PIK3R3: variants seen among roughly 807,000 people sequenced by gnomAD.
PIK3R3 encodes phosphatidylinositol 3-kinase regulatory subunit gamma.
PIK3R3 carries 64 observed loss-of-function variants against 62.9 expected under a neutral mutation model. That is an observed-to-expected ratio of 1.02 (90% CI 0.83 to 1.25). PIK3R3 has a LOEUF of 1.25. PIK3R3 is among the 50% of genes most tolerant of loss of function. PIK3R3 has a pLI of 0.00. For missense variants in PIK3R3, 614 were observed against 561.6 expected (o/e 1.09, Z -0.94); for synonymous variants, 165 against 189.0 (o/e 0.87, Z 1.04).
intron 1 of PIK3R3, among the ~76,000 whole-genome samples, chr1:46,095,033 C>A (rs1355730317): frequency 1.3e-5 from 2 of 152,102 alleles, no homozygotes; most frequent in Non-Finnish European, 2.9e-5. Flanking sequence ...AACTGTTTCA[C>A]AATCAAAATA....
chr1:46,145,700 A>T, the PIK3R3 span, among the ~76,000 whole-genome samples: 1 of 152,196 alleles, frequency 6.6e-6, no homozygotes, highest in Non-Finnish European at 1.5e-5. Context: ...CACGTTGGGG[A>T]TCAATTTTCA....
the PIK3R3 span, among the ~76,000 whole-genome samples, chr1:46,145,308 T>G: frequency 1.3e-5 from 2 of 151,840 alleles, no homozygotes; most frequent in African/African-American, 4.8e-5. Flanking sequence ...GCTGCTTCCA[T>G]CCATCCCTGT....
At chr1:46,132,724 C>G (rs755650837), upstream of PIK3R3, 3 of 1,288,352 alleles carry the variant, frequency 2.3e-6, no homozygotes, top group South Asian at 3.7e-5. Context: ...CCAACCGCGC[C>G]GGGAGGGGGG....
In PIK3R3 at chr1:46,077,560, C is replaced by T. The variant is rs746011332; in HGVS notation, c.269G>A (p.Arg90Gln). 1.1e-5 allele frequency: 17 copies of T among 1,612,826 alleles called. No homozygotes were observed. In the South Asian group the frequency reaches 1.4e-4, roughly 14 times the overall value. The change falls in exon 3 of 10, where the codon CGA becomes CAA. Residue 90 changes from arginine (R) to glutamine (Q), a missense_variant. Coordinates refer to ENST00000262741, the MANE Select transcript of PIK3R3 (RefSeq NM_003629.4). ...RDMPDGTFLVRDASTKMQGDY... is the reference protein window; with the variant it reads ...RDMPDGTFLVQDASTKMQGDY... ...TCCCTGCATTTTTGTTGAGGCATCT[C>T]GGACCAAGAAGGTCCCATCTGGCAT...
intron 6 of PIK3R3, among the ~76,000 whole-genome samples, chr1:46,059,197 C>A (rs1216029787): frequency 6.6e-6 from 1 of 152,254 alleles, no homozygotes; most frequent in Non-Finnish European, 1.5e-5. Flanking sequence ...GATTGTGAGG[C>A]TTCCCTAGTC....
intron 1 of PIK3R3, among the ~76,000 whole-genome samples, chr1:46,102,798 T>C (rs1364885385): frequency 1.1e-5 from 1 of 88,532 alleles, no homozygotes; most frequent in Non-Finnish European, 2.0e-5. Flanking sequence ...TCTGGGTATA[T>C]ATCTTAAAAA....
the PIK3R3 span, among the ~76,000 whole-genome samples, chr1:46,162,047 G>C: frequency 2.0e-5 from 3 of 149,588 alleles, no homozygotes; most frequent in East Asian, 2.0e-4. Context: ...AGCCGAGATC[G>C]CGCCACCGCA....
chr1:46,132,310 G>A lies in PIK3R3; in HGVS notation c.-358C>T, dbSNP rs1655686104. 9.0e-7 allele frequency: 1 copy of A among 1,110,852 alleles called. No homozygotes were observed. The highest frequency in any genetic ancestry group is 2.3e-5 in the South Asian group (1 of 44,178). The allele number at this position is 1,110,852 out of a possible 1,614,324, so 68.8% of individuals were successfully genotyped here. ...ACCGCCTCCAAATCTTTCCGCGGAA[G>A]CCACTTTTGTGTCCTTCGAAGGAGG... On this transcript the variant is annotated 5_prime_UTR_variant, in exon 1 of 10. Transcript: ENST00000262741.
intron 1 of PIK3R3, among the ~76,000 whole-genome samples, chr1:46,117,427 T>C (rs1404514779): frequency 1.3e-5 from 2 of 151,144 alleles, no homozygotes; most frequent in Admixed American, 6.6e-5. Flanking sequence ...CAAGATCTTG[T>C]ATCCAAAAAA....
intron 3 of PIK3R3, among the ~76,000 whole-genome samples, chr1:46,068,415 A>T (rs1048398009): frequency 2.6e-5 from 4 of 152,248 alleles, no homozygotes; most frequent in African/African-American, 9.6e-5. Context: ...AGCATAAGGA[A>T]CATATCTCTG....
rs79680374 is a variant in PIK3R3, at chr1:46,102,457, T to C, written c.107-21707A>G. 5.5e-4 allele frequency among the ~76,000 whole-genome samples: 84 copies of C among 152,342 alleles called. No homozygotes were observed. In the East Asian group the frequency reaches 0.013, roughly 24 times the overall value. On this transcript the variant is annotated intron_variant, in intron 1 of 9. Transcript: ENST00000262741. The stretch of plus-strand genomic sequence containing the variant: ...TATCAGCAAATTATCTTTAGCTTTT[T>C]ATACAGTATTTATCTTAGAATAACC...
intron 1 of PIK3R3, among the ~76,000 whole-genome samples, chr1:46,102,009 C>T (rs1272555765): frequency 1.2e-5 from 1 of 81,768 alleles, no homozygotes; most frequent in Non-Finnish European, 2.2e-5. Flanking sequence ...TTTTTTGAGA[C>T]GGAGTCTCGC....
intron 1 of PIK3R3, among the ~76,000 whole-genome samples, chr1:46,106,324 C>G (rs113946758): frequency 6.6e-6 from 1 of 152,072 alleles, no homozygotes; most frequent in African/African-American, 2.4e-5. Flanking sequence ...AGGCTGGTCT[C>G]AAAATCCTGG....
chr1:46,142,622 C>T, the PIK3R3 span, among the ~76,000 whole-genome samples: 5 of 151,664 alleles, frequency 3.3e-5, no homozygotes, highest in South Asian at 6.2e-4. Flanking sequence ...GGTGTGAACC[C>T]GGGAGGCGGA....
At chr1:46,096,822 C>G (rs1652174952) in intron 1 of PIK3R3, among the ~76,000 whole-genome samples, 2 of 140,756 alleles carry the variant, frequency 1.4e-5, no homozygotes, top group African/African-American at 5.3e-5. Flanking sequence ...TCCTGGGCAA[C>G]AGAGCGAGAC....
At chr1:46,102,563 A>T (rs1046046148) in intron 1 of PIK3R3, among the ~76,000 whole-genome samples, 2 of 152,064 alleles carry the variant, frequency 1.3e-5, no homozygotes, top group Non-Finnish European at 2.9e-5. Flanking sequence ...ATGATTGTCT[A>T]TAAATGTTTG....
intron 5 of PIK3R3, 57 bp from the exon 6 acceptor site, chr1:46,062,128 A>C: frequency 5.4e-6 from 8 of 1,489,114 alleles, no homozygotes; most frequent in Non-Finnish European, 7.2e-6. Flanking sequence ...TTTTCTTCTA[A>C]CCTTGGTCTT....
At chr1:46,064,315 C>A (rs186066750) in intron 5 of PIK3R3, among the ~76,000 whole-genome samples, 1 of 151,934 alleles carries the variant, frequency 6.6e-6, no homozygotes, top group Non-Finnish European at 1.5e-5. Context: ...CCGAGATGGG[C>A]GGATCACCTG....
intron 1 of PIK3R3, among the ~76,000 whole-genome samples, chr1:46,089,274 G>A (rs1651379766): frequency 6.6e-6 from 1 of 152,190 alleles, no homozygotes; most frequent in Admixed American, 6.5e-5. Context: ...AATTCAAACA[G>A]GAGGATGAAG....
Sources: gnomAD v4.1 joint callset for allele counts (sites outside exome capture counted in the v4.1 genomes callset) on GRCh38, gnomAD v4.1.1 for gene constraint, MANE v1.5 for transcripts, NCBI Gene and HGNC (gene_info 2026-07-23, HGNC 2026-07-21) for gene names.